Variants in RGS5 observed in about 807,000 individuals in gnomAD.
RGS5 encodes regulator of G-protein signalling 5.
Under a neutral mutation model 18.9 loss-of-function variants are expected in RGS5, and 20 were observed. That is an observed-to-expected ratio of 1.06 (90% CI 0.74 to 1.54). RGS5 has a LOEUF of 1.54. Ranked by LOEUF, RGS5 falls within the 40% of genes most tolerant of loss-of-function variation. The pLI, the probability that RGS5 is intolerant of heterozygous loss-of-function variation, is 0.00. For synonymous variants in RGS5, 57 were observed against 76.2 expected (o/e 0.75, Z 1.31); for missense variants, 201 against 211.8 (o/e 0.95, Z 0.32).
intron 2 of RGS5, among the ~76,000 whole-genome samples, chr1:163,240,256 A>C (rs1229767279): frequency 1.3e-5 from 2 of 152,186 alleles, no homozygotes; most frequent in African/African-American, 2.4e-5. Flanking sequence ...ATGGTCATAC[A>C]TTGGAATATT....
chr1:163,189,614 C>T (rs1167476496), intron 1 of RGS5, among the ~76,000 whole-genome samples: 1 of 152,166 alleles, frequency 6.6e-6, no homozygotes, highest in African/African-American at 2.4e-5. Flanking sequence ...CTTCCATCTA[C>T]CCCAGTTTGG....
chr1:163,168,463 C>G, intron 1 of RGS5, 95 bp from the exon 2 acceptor site: 1 of 851,920 alleles, frequency 1.2e-6, no homozygotes, highest in South Asian at 1.6e-5. Context: ...CAAAAATGAA[C>G]AAAATCCCAT....
intron 2 of RGS5, among the ~76,000 whole-genome samples, chr1:163,240,815 C>A (rs968996084): frequency 2.0e-4 from 31 of 152,304 alleles, no homozygotes; most frequent in African/African-American, 7.2e-4. Flanking sequence ...CTGCACCAGG[C>A]CAAAATAGAA....
intron 1 of RGS5, among the ~76,000 whole-genome samples, chr1:163,196,106 G>A (rs971167634): frequency 1.3e-5 from 2 of 151,988 alleles, no homozygotes; most frequent in Non-Finnish European, 2.9e-5. Context: ...TAACTTCCTC[G>A]ATCGTTAGAA....
At chr1:163,159,642 A>G (rs1292853695) in intron 3 of RGS5, among the ~76,000 whole-genome samples, 3 of 152,146 alleles carry the variant, frequency 2.0e-5, no homozygotes, top group African/African-American at 7.2e-5. Context: ...TTTCAAGGAA[A>G]GCATTGACTA....
intron 2 of RGS5, among the ~76,000 whole-genome samples, chr1:163,266,990 T>C (rs1246466825): frequency 6.6e-6 from 1 of 151,926 alleles, no homozygotes; most frequent in Non-Finnish European, 1.5e-5. Context: ...GAAAGAACAG[T>C]TGTAAAAATT....
At chr1:163,287,764 G>C (rs138058920) in intron 2 of RGS5, among the ~76,000 whole-genome samples, 1 of 152,236 alleles carries the variant, frequency 6.6e-6, no homozygotes, top group East Asian at 1.9e-4. Context: ...AATTCTACTG[G>C]TGGTGTCATA....
intron 2 of RGS5, among the ~76,000 whole-genome samples, chr1:163,164,911 G>A (rs908982500): frequency 6.6e-6 from 1 of 152,116 alleles, no homozygotes; most frequent in African/African-American, 2.4e-5. Context: ...CTTACACATT[G>A]GTGCTCTTAA....
chr1:163,152,453 G>A (rs1320089174), intron 4 of RGS5, 97 bp downstream of exon 4: 2 of 1,299,114 alleles, frequency 1.5e-6, no homozygotes, highest in South Asian at 1.6e-5. Context: ...AATAGGAATA[G>A]CCTTTGGCTC....
At position 163,154,202 on chromosome 1, in the gene RGS5, TTTTA is replaced by T. The variant is rs1276580984; in HGVS notation, c.218-1490_218-1487del. On this transcript the variant is annotated intron_variant, in intron 3 of 4. Transcript: ENST00000313961. ...CCTATTCTTTTTATAGGCTCTAAAG[TTTTA>T]TTTATTAGTCATTGCCAATACGTTG... is the stretch of plus-strand genomic sequence containing the variant. Among the ~76,000 whole-genome samples the T allele has an allele frequency of 7.9e-5, 12 of 152,342 alleles. No individual in the cohort carries two copies. The South Asian group carries it at 2.5e-3, about 32-fold the overall frequency.
chr1:163,162,559 C>T (rs1407232351), intron 2 of RGS5, among the ~76,000 whole-genome samples: 1 of 151,266 alleles, frequency 6.6e-6, no homozygotes, highest in Non-Finnish European at 1.5e-5. Context: ...CCACTTATAA[C>T]AGGATCAGAC....
At chr1:163,313,035 G>C (rs1649916253) in intron 1 of RGS5, among the ~76,000 whole-genome samples, 2 of 152,126 alleles carry the variant, frequency 1.3e-5, no homozygotes, top group East Asian at 3.9e-4. Flanking sequence ...AAATATAACA[G>C]GGTGAAATAA....
upstream of RGS5, among the ~76,000 whole-genome samples, chr1:163,218,168 G>A (rs1571299344): frequency 6.6e-6 from 1 of 152,322 alleles, no homozygotes; most frequent in South Asian, 2.1e-4. Context: ...AGGGCTCCAT[G>A]TGTCTCAGGT....
upstream of RGS5, among the ~76,000 whole-genome samples, chr1:163,217,825 G>C (rs540027735): frequency 6.6e-6 from 1 of 152,160 alleles, no homozygotes; most frequent in Admixed American, 6.5e-5. Context: ...GTTTGAATTG[G>C]GATTTATATT....
chr1:163,254,520 G>T (rs948549432), intron 2 of RGS5, among the ~76,000 whole-genome samples: 29 of 151,682 alleles, frequency 1.9e-4, no homozygotes, highest in African/African-American at 6.3e-4. Context: ...TAAATTTGTT[G>T]GAGTTCATTG....
rs562054748 is a variant in RGS5 at position 163,169,265 on chromosome 1, T to C, written c.45-897A>G. On this transcript the variant is annotated intron_variant, in intron 1 of 4. Transcript: ENST00000313961. ...ATTTTCTTAATCCAGTCTATCATTG[T>C]TGGACATTTGGGTTGGTTCCAAGTC... Among the ~76,000 whole-genome samples, 21 of 152,222 alleles carry C rather than the reference T, an allele frequency of 1.4e-4. No individual in the cohort carries two copies. In the South Asian group the frequency reaches 4.4e-3, roughly 32 times the overall value.
intron 1 of RGS5, among the ~76,000 whole-genome samples, chr1:163,171,904 A>G (rs1243315960): frequency 2.6e-5 from 4 of 152,216 alleles, no homozygotes; most frequent in Non-Finnish European, 5.9e-5. Flanking sequence ...CAGACTGTCC[A>G]GAAAGCAGCA....
At chr1:163,245,177 T>A (rs1379302830) in intron 2 of RGS5, 1 of 152,222 alleles carries the variant, frequency 6.6e-6, no homozygotes, top group Non-Finnish European at 1.5e-5. Flanking sequence ...CTTTTGTGTG[T>A]GTTGCAGGAT....
At position 163,255,863 on chromosome 1, in the gene RGS5, C is replaced by A. The variant is rs1156886058; in HGVS notation, c.-281+50370G>T. Among the ~76,000 whole-genome samples the A allele has an allele frequency of 4.6e-5, 7 of 152,268 alleles. No individual in the cohort carries two copies. In the East Asian group the frequency reaches 1.4e-3, roughly 29 times the overall value. ...TAAACAGAACCAAAGACAAAAACCA[C>A]ATGATATCTCAATAGATGCAGAAAA... On this transcript the variant is annotated intron_variant, in intron 2 of 5. Transcript: ENST00000618415.
Sources: allele counts gnomAD v4.1 joint callset (sites outside exome capture counted in the v4.1 genomes callset), GRCh38; gene constraint gnomAD v4.1.1; transcripts MANE v1.5; gene names NCBI Gene and HGNC (gene_info 2026-07-23, HGNC 2026-07-21).